Variants in IQSEC1 observed in about 807,000 individuals in gnomAD.
IQSEC1 encodes IQ motif and Sec7 domain ArfGEF 1.
IQSEC1 carries 31 observed loss-of-function variants against 91.0 expected under a neutral mutation model. The observed-to-expected ratio is 0.34, with a 90% confidence interval of 0.26 to 0.46. IQSEC1 has a LOEUF of 0.46. Ranked by LOEUF, IQSEC1 falls within the 20% of genes least tolerant of loss-of-function variation. The pLI is 1.00. For missense variants in IQSEC1, 1,388 were observed against 1,575.6 expected (o/e 0.88, Z 2.02); for synonymous variants, 699 against 662.6 (o/e 1.05, Z -0.84).
At chr3:13,061,143 A>C (rs1705053601) in intron 1 of IQSEC1, among the ~76,000 whole-genome samples, 1 of 152,116 alleles carries the variant, frequency 6.6e-6, no homozygotes, top group South Asian at 2.1e-4. Flanking sequence ...CCCCCTGTGC[A>C]GTTCCTACCC....
Position 12,920,586 on chromosome 3 carries a change from A to C in IQSEC1, c.1864T>G (p.Cys622Gly). The change falls in exon 6 of 14, where the codon TGC (cysteine) becomes GGC (glycine). Residue 622 changes from cysteine to glycine, a missense_variant. Around this residue, in one of 2 missense-constraint regions of IQSEC1, gnomAD observed 1,059 missense variants for 1,317.8 expected, o/e 0.80. Transcript: ENST00000613206. ...CGCACCACCCCAGGGTTGCAGATGC[A>C]GTAGCGCTGGCTGCGGGCCGGGAGG... ...RLIEAFSQRY[C>G]ICNPGVVRQF... 6.2e-7 allele frequency: 1 copy of C among 1,613,878 alleles called. No individual in the cohort carries two copies. The highest frequency in any genetic ancestry group is 1.3e-5 in the African/African-American group (1 of 75,038).
chr3:13,168,852 C>A (rs976286401), intron 1 of IQSEC1, among the ~76,000 whole-genome samples: 1 of 152,156 alleles, frequency 6.6e-6, no homozygotes, highest in Non-Finnish European at 1.5e-5. Context: ...CTCCCCTGGC[C>A]CCCCAGATTC....
In IQSEC1 at chr3:12,992,176, C is replaced by T. The variant is rs962088974; in HGVS notation, c.24-50311G>A. On this transcript the variant is annotated intron_variant, in intron 1 of 13. Coordinates refer to ENST00000613206, the MANE Select transcript of IQSEC1 (RefSeq NM_001134382.3). The surrounding 1 kb of genome is among the most constrained non-coding windows in gnomAD (Gnocchi z 4.1). ...GGACAGGGCCCCTCGGCTCTGAATA[C>T]GCTGTGTGACCTTGGACATGTCCCT... Among the ~76,000 whole-genome samples, 4 of 152,084 alleles carry T rather than the reference C, an allele frequency of 2.6e-5. No individual in the cohort carries two copies. The highest frequency in any genetic ancestry group is 2.1e-4 in the South Asian group (1 of 4,826).
At position 13,100,324 on chromosome 3, in the gene IQSEC1, C is replaced by T. The variant is rs1277498309; in HGVS notation, c.303-52802G>A. ...CTTCCTACATCTAGGCCTTTGCACA[C>T]GCTGTTCCTTCTGCTCAGAACACCC... is the stretch of plus-strand genomic sequence containing the variant. On this transcript the variant is annotated intron_variant, in intron 2 of 15. Coordinates refer to the IQSEC1 transcript ENST00000648114. 1.9e-4 allele frequency among the ~76,000 whole-genome samples: 28 copies of T among 148,682 alleles called. 3 individuals carry two copies. Among genetic ancestry groups the T allele is most frequent in the Middle Eastern group, 3.4e-3 (1 of 290 alleles).
intron 2 of IQSEC1, among the ~76,000 whole-genome samples, chr3:13,086,346 C>T (rs1705735057): frequency 6.6e-6 from 1 of 152,208 alleles, no homozygotes; most frequent in African/African-American, 2.4e-5. Context: ...TGCTTGTCAC[C>T]ATCATCATGA....
At position 12,967,344 on chromosome 3, in the gene IQSEC1, C is replaced by A; in HGVS notation, c.24-25479G>T. On this transcript the variant is annotated intron_variant, in intron 1 of 13. Coordinates refer to ENST00000613206, the MANE Select transcript of IQSEC1 (RefSeq NM_001134382.3). The surrounding 1 kb of genome is among the most constrained non-coding windows in gnomAD (Gnocchi z 5.9). ...CCCCACAGCCTGCGCCAGCCCACCG[C>A]TCAGCACCCGGGAAGGCCGCTCGCC... 1 of 1,502,746 alleles carries A rather than the reference C, an allele frequency of 6.7e-7. No individual in the cohort carries two copies. Among genetic ancestry groups the A allele is most frequent in the Non-Finnish European group, 8.9e-7 (1 of 1,120,582 alleles). 93.1% of individuals were successfully genotyped at this position (1,502,746 alleles called of 1,614,324 possible). A position where few individuals can be genotyped will look rare whatever the true frequency, so the allele number is the denominator to read the frequency against.
chr3:13,033,861 A>T (rs529602305), intron 1 of IQSEC1, among the ~76,000 whole-genome samples: 1 of 152,136 alleles, frequency 6.6e-6, no homozygotes, highest in Non-Finnish European at 1.5e-5. Context: ...TGTTCATTTC[A>T]TCCAGAAACA....
chr3:12,915,189 G>A (rs1695961077), intron 7 of IQSEC1, 56 bp from the exon 8 acceptor site: 3 of 1,560,810 alleles, frequency 1.9e-6, no homozygotes, highest in African/African-American at 2.7e-5. Context: ...GCCACGCCCA[G>A]GCCAATGCTG....
chr3:12,933,217 GC>G (rs1697855133), intron 3 of IQSEC1, among the ~76,000 whole-genome samples: 1 of 152,212 alleles, frequency 6.6e-6, no homozygotes. Context: ...CTAAAAACGT[GC>G]CTAGCTAAGA....
chr3:12,957,537 C>A (rs1356568863), intron 1 of IQSEC1, among the ~76,000 whole-genome samples: 1 of 152,230 alleles, frequency 6.6e-6, no homozygotes, highest in African/African-American at 2.4e-5. Context: ...CTGTGGCAGG[C>A]TCCAGCAGAG....
chr3:13,058,259 G>C (rs1391509718), intron 1 of IQSEC1, among the ~76,000 whole-genome samples: 1 of 152,130 alleles, frequency 6.6e-6, no homozygotes, highest in Non-Finnish European at 1.5e-5. Flanking sequence ...GGCGACAGAG[G>C]GAGACTCTGT....
chr3:13,263,435 G>GAAAAAGTACCCGACACTTTTTTTTTTT (rs1559288981), intron 1 of IQSEC1, among the ~76,000 whole-genome samples: 3 of 130,350 alleles, frequency 2.3e-5, no homozygotes, highest in Non-Finnish European at 5.0e-5. Flanking sequence ...TTTGGGGGGG[G>GAAAAAGTACCCGACACTTTTTTTTTTT]GGGGAAAGTA....
At chr3:13,203,504 G>T (rs967973882) in intron 1 of IQSEC1, among the ~76,000 whole-genome samples, 5 of 152,196 alleles carry the variant, frequency 3.3e-5, no homozygotes, top group African/African-American at 1.2e-4. Flanking sequence ...CTGTCCTGGT[G>T]ATGCCCCTGC....
At chr3:12,951,032 C>A (rs1165579315) in intron 1 of IQSEC1, among the ~76,000 whole-genome samples, 1 of 152,128 alleles carries the variant, frequency 6.6e-6, no homozygotes, top group East Asian at 1.9e-4. Flanking sequence ...ATCCCTTGAC[C>A]ACAAGGAGTT....
chr3:13,207,509 A>G lies in IQSEC1; in HGVS notation c.273-43376T>C, dbSNP rs1186657092. Among the ~76,000 whole-genome samples the G allele has an allele frequency of 6.6e-6, 1 of 151,784 alleles. No homozygotes were observed. Among genetic ancestry groups the G allele is most frequent in the Non-Finnish European group, 1.5e-5 (1 of 67,962 alleles). Reference sequence around the variant, plus strand: ...GAGCACTCTGGCAATGTCACCACCCACTGCCAACGTGCCAGTGGGTTCCCT... The same window carrying G: ...GAGCACTCTGGCAATGTCACCACCCGCTGCCAACGTGCCAGTGGGTTCCCT... On this transcript the variant is annotated intron_variant, in intron 1 of 15. Coordinates refer to the IQSEC1 transcript ENST00000648114. The surrounding 1 kb of genome is among the most constrained non-coding windows in gnomAD (Gnocchi z 4.8).
intron 1 of IQSEC1, among the ~76,000 whole-genome samples, chr3:13,275,329 A>C (rs1197482185): frequency 6.6e-6 from 1 of 152,170 alleles, no homozygotes; most frequent in African/African-American, 2.4e-5. Flanking sequence ...AACACTTCAA[A>C]ATCAGGATTC....
At chr3:12,927,014 A>G (rs1204424870) in intron 3 of IQSEC1, among the ~76,000 whole-genome samples, 2 of 152,164 alleles carry the variant, frequency 1.3e-5, no homozygotes, top group Non-Finnish European at 2.9e-5. Context: ...ATGCCTCGCT[A>G]TGATTCGGGG....
chr3:12,904,435 C>A (rs1165643896), intron 12 of IQSEC1, among the ~76,000 whole-genome samples: 1 of 152,226 alleles, frequency 6.6e-6, no homozygotes, highest in Non-Finnish European at 1.5e-5. Context: ...AGAACCTTGG[C>A]CCTAATTCTC....
At chr3:13,102,202 C>G (rs1441703281) in intron 2 of IQSEC1, among the ~76,000 whole-genome samples, 1 of 152,078 alleles carries the variant, frequency 6.6e-6, no homozygotes, top group Non-Finnish European at 1.5e-5. Context: ...TGCTTGAGCC[C>G]AGGAGATCAA....
Sources: allele counts gnomAD v4.1 joint callset (sites outside exome capture counted in the v4.1 genomes callset), GRCh38; gene constraint gnomAD v4.1.1; regional missense constraint gnomAD v4.1.1; non-coding constraint Gnocchi (gnomAD v3.1); transcripts MANE v1.5; gene names NCBI Gene and HGNC (gene_info 2026-07-23, HGNC 2026-07-21).